Variants in PHLDB2 observed in about 807,000 individuals in gnomAD.
PHLDB2 encodes pleckstrin homology like domain family B member 2.
A neutral mutation model predicts 123.6 loss-of-function variants in PHLDB2; 71 were observed. The ratio of observed to expected loss-of-function variants is 0.57; its 90% CI spans 0.47 to 0.70. The LOEUF (loss-of-function observed/expected upper bound fraction) is 0.70, where lower values mean the gene tolerates loss of function less well. Among genes scored for constraint, PHLDB2 ranks in the 30% least tolerant of loss-of-function variants. PHLDB2 has a pLI of 0.00. For missense variants in PHLDB2, 1,446 were observed against 1,519.5 expected, an observed-to-expected ratio of 0.95 and a Z score of 0.80; for synonymous variants, 547 against 541.6, an observed-to-expected ratio of 1.01 and a Z score of -0.14.
chr3:111,804,809 T>A (rs1298850616), intron 1 of PHLDB2, among the ~76,000 whole-genome samples: 2 of 152,324 alleles, frequency 1.3e-5, no homozygotes, highest in Non-Finnish European at 2.9e-5. Context: ...ACACAGGGCT[T>A]CTAAAAAGTG....
At position 111,913,599 on chromosome 3, in the gene PHLDB2, G is replaced by A; in HGVS notation, c.1616G>A (p.Arg539Lys). The change falls in exon 3 of 18, where the codon AGG becomes AAG. Residue 539 changes from arginine (R) to lysine (K), a missense_variant. Around this residue, in one of 3 missense-constraint regions of PHLDB2, gnomAD observed 832 missense variants for 831.9 expected, o/e 1.00. Coordinates refer to ENST00000431670, the MANE Select transcript of PHLDB2 (RefSeq NM_001134438.2). ...AGCTTCTTTACCCCCAGGAGCACCA[G>A]GAATGATGAACTACTCAGTGACCTC... ...SASFFTPRST[R>K]NDELLSDLTR... 1 of 1,614,146 alleles carries A rather than the reference G, an allele frequency of 6.2e-7. No homozygotes were observed. The highest frequency in any genetic ancestry group is 8.5e-7 in the Non-Finnish European group (1 of 1,180,022).
chr3:111,782,527 T>C (rs201702316), intron 1 of PHLDB2, among the ~76,000 whole-genome samples: 2 of 152,146 alleles, frequency 1.3e-5, no homozygotes, highest in East Asian at 3.9e-4. Context: ...GAATGCTCTC[T>C]ACTCTCCCCA....
chr3:111,894,308 C>G lies in PHLDB2; in HGVS notation c.1335+8896C>G, dbSNP rs371242434. Among the ~76,000 whole-genome samples, 30 of 150,828 alleles carry G rather than the reference C, an allele frequency of 2.0e-4. 1 individual carries two copies. In the East Asian group the frequency reaches 4.5e-3, roughly 22 times the overall value. ...GCCACATTTTCTTAATCCAGTCTAT[C>G]ATTGTTGGACATTTGGGTTGGTTCC... is the stretch of plus-strand genomic sequence containing the variant. On this transcript the variant is annotated intron_variant, in intron 2 of 17. Transcript: ENST00000431670.
At chr3:111,951,306 G>A (rs1489814822) in intron 10 of PHLDB2, among the ~76,000 whole-genome samples, 1 of 152,028 alleles carries the variant, frequency 6.6e-6, no homozygotes, top group African/African-American at 2.4e-5. Context: ...CTGTAATATA[G>A]AGATAGTAAT....
chr3:111,831,734 G>T (rs943602044), intron 1 of PHLDB2, among the ~76,000 whole-genome samples: 38 of 152,146 alleles, frequency 2.5e-4, no homozygotes, highest in Admixed American at 2.2e-3. Context: ...ATAGGTATGG[G>T]TGATATAGAT....
At chr3:111,757,836 G>A (rs2059922264) in intron 1 of PHLDB2, among the ~76,000 whole-genome samples, 1 of 152,234 alleles carries the variant, frequency 6.6e-6, no homozygotes, top group Non-Finnish European at 1.5e-5. Flanking sequence ...GACCTCAGCT[G>A]CAGGTCTGTT....
intron 1 of PHLDB2, among the ~76,000 whole-genome samples, chr3:111,841,744 C>T (rs1443719061): frequency 6.6e-6 from 1 of 152,094 alleles, no homozygotes; most frequent in Non-Finnish European, 1.5e-5. Flanking sequence ...TACATTTATT[C>T]CACAACATTT....
chr3:111,791,107 T>G (rs780763360), intron 1 of PHLDB2, among the ~76,000 whole-genome samples: 15 of 152,240 alleles, frequency 9.9e-5, no homozygotes, highest in African/African-American at 3.4e-4. Flanking sequence ...TTTAGATAGC[T>G]TCCAGATTTT....
chr3:111,930,420 A>T (rs376053464), intron 5 of PHLDB2, among the ~76,000 whole-genome samples: 10 of 149,320 alleles, frequency 6.7e-5, no homozygotes, highest in Non-Finnish European at 7.4e-5. Context: ...CTTCTTTTTT[A>T]AATTACTTTT....
intron 2 of PHLDB2, among the ~76,000 whole-genome samples, chr3:111,910,954 G>A (rs1205434787): frequency 6.6e-6 from 1 of 152,208 alleles, no homozygotes; most frequent in East Asian, 1.9e-4. Flanking sequence ...GATTGGCTGT[G>A]AATGGGGTGA....
At chr3:111,849,293 C>T (rs527518637) in intron 2 of PHLDB2, among the ~76,000 whole-genome samples, 31 of 152,048 alleles carry the variant, frequency 2.0e-4, no homozygotes, top group Non-Finnish European at 3.5e-4. Flanking sequence ...GCCTCAGTCT[C>T]CAGAGTAGGT....
intron 6 of PHLDB2, among the ~76,000 whole-genome samples, chr3:111,938,238 C>A (rs1457771874): frequency 6.6e-6 from 1 of 151,866 alleles, no homozygotes; most frequent in African/African-American, 2.4e-5. Context: ...TCAGCAAAAC[C>A]CAGCAGAACT....
chr3:111,903,547 A>G lies in PHLDB2; in HGVS notation c.1336-9772A>G, dbSNP rs1038374985. 2.6e-5 allele frequency among the ~76,000 whole-genome samples: 4 copies of G among 152,340 alleles called. No individual in the cohort carries two copies. The South Asian group carries it at 8.3e-4, about 32-fold the overall frequency. ...ATTTTTCAGGGAGACATTTGGCTGC[A>G]TAACAACGTATTTTTCCTGTATTTC... On this transcript the variant is annotated intron_variant, in intron 2 of 17. Coordinates refer to ENST00000431670, the MANE Select transcript of PHLDB2 (RefSeq NM_001134438.2).
chr3:111,921,682 C>T (rs1363195708), intron 5 of PHLDB2, among the ~76,000 whole-genome samples: 1 of 150,090 alleles, frequency 6.7e-6, no homozygotes, highest in African/African-American at 2.5e-5. Context: ...CAGCTCACTG[C>T]AAGCTCCGCC....
intron 2 of PHLDB2, among the ~76,000 whole-genome samples, chr3:111,886,295 A>G (rs181627634): frequency 1.1e-3 from 165 of 152,330 alleles, no homozygotes; most frequent in African/African-American, 3.9e-3. Context: ...TGATTTTTGA[A>G]TCACAAAACT....
Position 111,845,901 on chromosome 3 carries a change from CAAGG to C in PHLDB2, c.37_40del (p.Glu13MetfsTer25), listed in dbSNP as rs766498960. 5 of 1,614,088 alleles carry C rather than the reference CAAGG, an allele frequency of 3.1e-6. No homozygotes were observed. The Admixed American group carries it at 5.0e-5, about 16-fold the overall frequency. ...AGGAGGATACCAAGAGAGAGGTGCC[CAAGG>C]AAGATGGAGTTGGTGATGTGCAACA... On this transcript the variant is annotated frameshift_variant, in exon 2 of 18. Coordinates refer to the PHLDB2 transcript ENST00000393923. LOFTEE classifies it high-confidence loss of function.
intron 13 of PHLDB2, among the ~76,000 whole-genome samples, chr3:111,965,998 G>T (rs977526582): frequency 6.6e-6 from 1 of 152,140 alleles, no homozygotes; most frequent in African/African-American, 2.4e-5. Flanking sequence ...TCATGAGGGG[G>T]TACTCTTCAC....
At chr3:111,794,152 C>T (rs183812810) in intron 1 of PHLDB2, among the ~76,000 whole-genome samples, 6 of 152,164 alleles carry the variant, frequency 3.9e-5, no homozygotes, top group South Asian at 4.1e-4. Context: ...TCCAGAGTGG[C>T]GATGCTTTCC....
intron 4 of PHLDB2, among the ~76,000 whole-genome samples, chr3:111,919,953 G>A (rs114562599): frequency 0.029 from 3,163 of 108,958 alleles, 131 homozygotes; most frequent in African/African-American, 0.095. Flanking sequence ...AAAGAAAGAC[G>A]TGGCTGCTCC....
Sources: gnomAD v4.1 joint callset for allele counts (sites outside exome capture counted in the v4.1 genomes callset) on GRCh38, gnomAD v4.1.1 for gene constraint, gnomAD v4.1.1 regional missense constraint, MANE v1.5 for transcripts, NCBI Gene and HGNC (gene_info 2026-07-23, HGNC 2026-07-21) for gene names.